The following CNN1 variants were observed in gnomAD, a reference collection of about 807,000 sequenced individuals.
CNN1 encodes calponin 1.
In CNN1, 21 loss-of-function variants were observed where a neutral mutation model predicts 35.3. That is an observed-to-expected ratio of 0.60 (90% CI 0.42 to 0.86). The LOEUF (loss-of-function observed/expected upper bound fraction) is 0.86. Among genes scored for constraint, CNN1 ranks in the 40% least tolerant of loss-of-function variants. The probability of loss-of-function intolerance (pLI) is 0.00; values close to 1 mark genes in which losing one functional copy is unlikely to be tolerated. For synonymous variants in CNN1, 164 were observed against 161.8 expected, an observed-to-expected ratio of 1.01 and a Z score of -0.10; for missense variants, 314 against 400.8, an observed-to-expected ratio of 0.78 and a Z score of 1.85.
At chr19:11,542,811 T>C (rs566237845) in intron 2 of CNN1, among the ~76,000 whole-genome samples, 1 of 152,230 alleles carries the variant, frequency 6.6e-6, no homozygotes, top group Non-Finnish European at 1.5e-5. Flanking sequence ...CCTGACCTTG[T>C]GATCCACCCA....
At position 11,549,403 on chromosome 19, in the gene CNN1, C is replaced by A. The variant is rs749495345; in HGVS notation, c.582C>A (p.Gly194=). ...TRRHLYDPKL[G]TDQPLDQATI... is the part of the protein sequence containing the mutation. ...GCCACCTCTACGACCCCAAGCTGGG[C>A]ACAGACCAGCCTCTGGACCAGGCGA... The change falls in exon 6 of 7, where the codon GGC becomes GGA. Residue 194 remains glycine, a synonymous_variant. Transcript: ENST00000252456. This position sits in a 1 kb window ranked among gnomAD's most constrained non-coding sequence, Gnocchi z 5.2. 16 of 1,613,484 alleles carry A rather than the reference C, an allele frequency of 9.9e-6. No homozygotes were observed. Among genetic ancestry groups the A allele is most frequent in the Non-Finnish European group, 1.4e-5 (16 of 1,179,844 alleles).
intron 2 of CNN1, among the ~76,000 whole-genome samples, chr19:11,545,734 C>T (rs1023395759): frequency 2.0e-5 from 3 of 148,796 alleles, no homozygotes; most frequent in East Asian, 4.0e-4. Context: ...GCAGGAGGAT[C>T]GCTTGAGCCC....
chr19:11,548,593 T>C (rs1466353287), intron 5 of CNN1, among the ~76,000 whole-genome samples: 1 of 151,196 alleles, frequency 6.6e-6, no homozygotes, highest in African/African-American at 2.4e-5. Context: ...ATCCTAGCAC[T>C]TCGGGAGGCC....
intron 1 of CNN1, chr19:11,539,594 A>AC (rs1240416642): frequency 2.4e-6 from 2 of 843,670 alleles, no homozygotes; most frequent in African/African-American, 1.8e-5. Flanking sequence ...CCCTGGACTC[A>AC]CCCCCCATAC....
In CNN1 at chr19:11,550,221, G is replaced by A. The variant is rs1972694845; in HGVS notation, c.*426G>A. 1 of 177,734 alleles carries A rather than the reference G, an allele frequency of 5.6e-6. No homozygotes were observed. The highest frequency in any genetic ancestry group is 2.4e-5 in the African/African-American group (1 of 42,298). 11.0% of individuals were successfully genotyped at this position (177,734 alleles called of 1,614,324 possible). Reference sequence around the variant, plus strand: ...CCAGCGGACACACGCGGTTTGGTTTGCAGCGACTGGCATACTATGTGGATG... The same window carrying A: ...CCAGCGGACACACGCGGTTTGGTTTACAGCGACTGGCATACTATGTGGATG... On this transcript the variant is annotated 3_prime_UTR_variant, in exon 7 of 7. Coordinates refer to ENST00000252456, the MANE Select transcript of CNN1 (RefSeq NM_001299.6).
chr19:11,541,909 T>TTG (rs1972472888), intron 2 of CNN1: 2 of 150,362 alleles, frequency 1.3e-5, no homozygotes, highest in South Asian at 4.2e-4. Flanking sequence ...TGTTTTTTTT[T>TTG]TTTTTTTTTC....
At position 11,547,832 on chromosome 19, in the gene CNN1, G is replaced by T; in HGVS notation, c.426G>T (p.Val142=). Residue 142 remains valine, a synonymous_variant, in exon 5 of 7, where the codon GTG becomes GTT. Coordinates refer to ENST00000252456, the MANE Select transcript of CNN1 (RefSeq NM_001299.6). ...AAGGAAACAAGGTGAACGTGGGAGT[G>T]AAGTACGCAGAGAAGCAGGAGCGGA... ...KTKGNKVNVG[V]KYAEKQERKF... 1 of 1,614,108 alleles carries T rather than the reference G, an allele frequency of 6.2e-7. No homozygotes were observed. Among genetic ancestry groups the T allele is most frequent in the Non-Finnish European group, 8.5e-7 (1 of 1,179,986 alleles).
intron 1 of CNN1, chr19:11,539,652 G>A (rs572167601): frequency 1.4e-5 from 10 of 694,906 alleles, no homozygotes; most frequent in South Asian, 1.2e-4. Flanking sequence ...TAAGTTTCCA[G>A]CCCACTGGAA....
intron 1 of CNN1, 110 bp downstream of exon 1, chr19:11,539,100 G>A: frequency 8.9e-7 from 1 of 1,117,664 alleles, no homozygotes; most frequent in Non-Finnish European, 1.2e-6. Context: ...CTTGGAAACT[G>A]AGAGGGGAAA....
chr19:11,546,569 C>G, intron 2 of CNN1, 106 bp from the exon 3 acceptor site: 1 of 1,147,140 alleles, frequency 8.7e-7, no homozygotes, highest in Non-Finnish European at 1.3e-6. Context: ...CTCCTGACCT[C>G]GTGATCCACC....
intron 1 of CNN1, 125 bp from the exon 2 acceptor site, chr19:11,540,951 G>T: frequency 1.9e-6 from 2 of 1,060,388 alleles, no homozygotes; most frequent in South Asian, 1.9e-5. Flanking sequence ...GGGCAAAATT[G>T]CCTTAGTTGG....
rs74759333 is a variant in CNN1, at chr19:11,550,056, C to T, written c.*261C>T. 0.017 allele frequency: 7,246 copies of T among 417,136 alleles called. 132 individuals carry two copies. Among genetic ancestry groups the T allele is most frequent in the Admixed American group, 0.055 (1,303 of 23,774 alleles). 25.8% of individuals were successfully genotyped at this position (417,136 alleles called of 1,614,324 possible). A position where few individuals can be genotyped will look rare whatever the true frequency, so the allele number is the denominator to read the frequency against. ...AGCGCCCAAAGGACGCACTGAGCAA[C>T]GCTATTCCAGCTGTCCCCCCACTCC... On this transcript the variant is annotated 3_prime_UTR_variant, in exon 7 of 7. Transcript: ENST00000252456.
At chr19:11,541,787 T>C (rs1599603523) in intron 2 of CNN1, 2 of 151,108 alleles carry the variant, frequency 1.3e-5, no homozygotes, top group East Asian at 3.9e-4. Flanking sequence ...GAGATGGGGT[T>C]TCACCATGTT....
intron 4 of CNN1, 47 bp downstream of exon 4, chr19:11,547,016 T>A (rs367672533): frequency 6.2e-7 from 1 of 1,609,034 alleles, no homozygotes; most frequent in South Asian, 1.1e-5. Flanking sequence ...CAGCCTGGGC[T>A]GGGATGCAGG....
At position 11,538,910 on chromosome 19, in the gene CNN1, C is replaced by T. The variant is rs763995926; in HGVS notation, c.-18C>T. The T allele has an allele frequency of 1.8e-5, 28 of 1,547,868 alleles. No individual in the cohort carries two copies. Among genetic ancestry groups the T allele is most frequent in the Non-Finnish European group, 1.1e-5 (13 of 1,145,026 alleles). On this transcript the variant is annotated 5_prime_UTR_variant, in exon 1 of 7. Coordinates refer to ENST00000252456, the MANE Select transcript of CNN1 (RefSeq NM_001299.6). Reference sequence around the variant, plus strand: ...GCGTCAGTGCCGCCACTGCCCCCGCCAGAGCCCACCGGCCAGCATGTCCTC... The same window carrying T: ...GCGTCAGTGCCGCCACTGCCCCCGCTAGAGCCCACCGGCCAGCATGTCCTC...
intron 2 of CNN1, among the ~76,000 whole-genome samples, chr19:11,546,188 T>TTG (rs1972577377): frequency 6.6e-6 from 1 of 151,992 alleles, no homozygotes; most frequent in Admixed American, 6.6e-5. Context: ...AGTGTCCCAT[T>TTG]TGTGTGTGTG....
chr19:11,544,257 G>A (rs1972530676), intron 2 of CNN1, among the ~76,000 whole-genome samples: 1 of 152,038 alleles, frequency 6.6e-6, no homozygotes, highest in Admixed American at 6.6e-5. Flanking sequence ...CTCTGAAGAG[G>A]TGACATTTGA....
intron 5 of CNN1, among the ~76,000 whole-genome samples, chr19:11,548,473 C>G (rs1201452655): frequency 1.3e-5 from 2 of 152,182 alleles, no homozygotes; most frequent in Non-Finnish European, 2.9e-5. Flanking sequence ...CACTTGAGCC[C>G]AGGAGTTCAA....
rs911880586 is a variant in CNN1, at chr19:11,539,998, G to C, written c.63+1008G>C. The C allele has an allele frequency of 1.7e-5, 18 of 1,065,294 alleles. No individual in the cohort carries two copies. In the Admixed American group the frequency reaches 3.1e-4, roughly 18 times the overall value. The allele number at this position is 1,065,294 out of a possible 1,614,324, so 66.0% of individuals were successfully genotyped here. ...CTTTATAAAGCCGGGCTGGTGGCGT[G>C]GGGGGCGGCAGGGCCAGGGCCAGGT... On this transcript the variant is annotated intron_variant, in intron 1 of 6. Coordinates refer to ENST00000252456, the MANE Select transcript of CNN1 (RefSeq NM_001299.6).
Sources: allele counts gnomAD v4.1 joint callset (sites outside exome capture counted in the v4.1 genomes callset), GRCh38; gene constraint gnomAD v4.1.1; non-coding constraint Gnocchi (gnomAD v3.1); transcripts MANE v1.5; gene names NCBI Gene and HGNC (gene_info 2026-07-23, HGNC 2026-07-21).